The following SOX5 variants were observed in gnomAD, a reference collection of about 807,000 sequenced individuals.
SOX5 encodes SRY-box transcription factor 5.
In SOX5, 9 loss-of-function variants were observed where a neutral mutation model predicts 92.0. That is an observed-to-expected ratio of 0.10 (90% CI 0.06 to 0.17). The LOEUF is 0.17. SOX5 is among the 10% of genes least tolerant of loss of function. The probability of loss-of-function intolerance (pLI) is 1.00; values close to 1 mark genes in which losing one functional copy is unlikely to be tolerated. For synonymous variants in SOX5, 344 were observed against 336.3 expected (o/e 1.02, Z -0.25); for missense variants, 642 against 944.5 (o/e 0.68, Z 4.20).
chr12:24,011,739 A>G (rs1255481786), intron 4 of SOX5, among the ~76,000 whole-genome samples: 2 of 152,128 alleles, frequency 1.3e-5, no homozygotes, highest in Admixed American at 6.6e-5. Context: ...AAGGATAGTA[A>G]AGTAATGTAT....
At chr12:23,897,342 A>G (rs1435146322) in intron 1 of SOX5, among the ~76,000 whole-genome samples, 2 of 152,188 alleles carry the variant, frequency 1.3e-5, no homozygotes, top group Non-Finnish European at 2.9e-5. Context: ...GAGATATTCT[A>G]TTAAAAATAT....
chr12:24,354,873 G>A (rs1199645130), intron 2 of SOX5, among the ~76,000 whole-genome samples: 2 of 152,074 alleles, frequency 1.3e-5, no homozygotes, highest in Non-Finnish European at 2.9e-5. Flanking sequence ...TGAAATAAGA[G>A]GCCCAATCAA....
chr12:24,426,066 G>A (rs1406922179), intron 1 of SOX5, among the ~76,000 whole-genome samples: 2 of 152,194 alleles, frequency 1.3e-5, no homozygotes, highest in Non-Finnish European at 2.9e-5. Context: ...AAGGCACAGT[G>A]GCTCGTGCCT....
intron 3 of SOX5, among the ~76,000 whole-genome samples, chr12:24,220,084 C>T (rs1960044078): frequency 6.6e-6 from 1 of 151,536 alleles, no homozygotes; most frequent in African/African-American, 2.4e-5. Context: ...ATTAATCAGA[C>T]AAGAATTCTG....
intron 7 of SOX5, among the ~76,000 whole-genome samples, chr12:23,651,202 T>TTACATA (rs1355082858): frequency 2.0e-5 from 3 of 152,044 alleles, no homozygotes; most frequent in Non-Finnish European, 4.4e-5. Context: ...TTGAAATATC[T>TTACATA]TACATATACA....
chr12:23,711,798 A>G (rs1438949240), intron 6 of SOX5, among the ~76,000 whole-genome samples: 1 of 152,218 alleles, frequency 6.6e-6, no homozygotes, highest in East Asian at 1.9e-4. Context: ...CTTACCTCAA[A>G]AAGAAATGAA....
At chr12:24,349,445 C>T (rs1373044547) in intron 2 of SOX5, among the ~76,000 whole-genome samples, 1 of 152,192 alleles carries the variant, frequency 6.6e-6, no homozygotes, top group Non-Finnish European at 1.5e-5. Context: ...CTCCTCCCTC[C>T]ACCCCCTGGC....
intron 1 of SOX5, among the ~76,000 whole-genome samples, chr12:24,445,339 G>A (rs1294998359): frequency 6.6e-6 from 1 of 152,092 alleles, no homozygotes; most frequent in Admixed American, 6.5e-5. Flanking sequence ...AAAATTATGT[G>A]ACTGTGTATC....
intron 1 of SOX5, among the ~76,000 whole-genome samples, chr12:23,913,566 T>C (rs2097375542): frequency 1.3e-5 from 2 of 151,710 alleles, no homozygotes; most frequent in Non-Finnish European, 2.9e-5. Flanking sequence ...TGAAACCCCG[T>C]CTCTACTAAA....
intron 2 of SOX5, among the ~76,000 whole-genome samples, chr12:24,330,617 C>T (rs902640952): frequency 6.6e-6 from 1 of 152,218 alleles, no homozygotes; most frequent in African/African-American, 2.4e-5. Flanking sequence ...CCAGGCCCCA[C>T]TTAAACGAAA....
intron 9 of SOX5, among the ~76,000 whole-genome samples, chr12:23,583,284 A>G (rs1055886655): frequency 4.6e-5 from 7 of 152,040 alleles, no homozygotes; most frequent in African/African-American, 1.7e-4. Flanking sequence ...ATGTCCTATA[A>G]ATATACTGTA....
intron 3 of SOX5, among the ~76,000 whole-genome samples, chr12:24,244,010 C>A (rs17412555): frequency 2.1e-5 from 3 of 146,116 alleles, no homozygotes; most frequent in Admixed American, 6.9e-5. Context: ...CCACTGATCA[C>A]GTTAGGAAGA....
intron 4 of SOX5, among the ~76,000 whole-genome samples, chr12:24,106,289 T>C (rs985816435): frequency 2.6e-5 from 4 of 151,980 alleles, no homozygotes; most frequent in East Asian, 1.9e-4. Context: ...ATAAGGTTGA[T>C]TACAAACAAG....
intron 4 of SOX5, among the ~76,000 whole-genome samples, chr12:24,074,157 A>G (rs1942178454): frequency 6.6e-6 from 1 of 152,160 alleles, no homozygotes; most frequent in South Asian, 2.1e-4. Flanking sequence ...AAATGTATCC[A>G]AATGGAAATA....
At chr12:24,497,533 G>A (rs1164028685) in intron 1 of SOX5, among the ~76,000 whole-genome samples, 1 of 152,132 alleles carries the variant, frequency 6.6e-6, no homozygotes, top group African/African-American at 2.4e-5. Context: ...AGTTAAAACT[G>A]AGGACAGAAA....
intron 4 of SOX5, among the ~76,000 whole-genome samples, chr12:23,986,765 G>C (rs1381936943): frequency 6.6e-6 from 1 of 152,108 alleles, no homozygotes; most frequent in Non-Finnish European, 1.5e-5. Context: ...CAATGTTCTA[G>C]GGTGGAAAAA....
At chr12:23,855,259 A>G (rs1440158314) in intron 2 of SOX5, among the ~76,000 whole-genome samples, 1 of 152,020 alleles carries the variant, frequency 6.6e-6, no homozygotes, top group African/African-American at 2.4e-5. Context: ...CCATTTTTAA[A>G]GATAACCTAA....
chr12:24,382,896 G>A (rs1253329233), intron 1 of SOX5, among the ~76,000 whole-genome samples: 1 of 152,120 alleles, frequency 6.6e-6, no homozygotes, highest in Non-Finnish European at 1.5e-5. Flanking sequence ...GAGCAAGTCT[G>A]AGGGACACAT....
intron 6 of SOX5, among the ~76,000 whole-genome samples, chr12:23,710,276 A>T (rs973591087): frequency 1.9e-4 from 29 of 152,186 alleles, no homozygotes; most frequent in Non-Finnish European, 8.8e-5. Flanking sequence ...GTTCTAGGGT[A>T]CATGTGCACA....
Sources: gnomAD v4.1 joint callset for allele counts (sites outside exome capture counted in the v4.1 genomes callset) on GRCh38, gnomAD v4.1.1 for gene constraint, MANE v1.5 for transcripts, NCBI Gene and HGNC (gene_info 2026-07-23, HGNC 2026-07-21) for gene names.